The following SREBF2 variants were observed in gnomAD, a reference collection of about 807,000 sequenced individuals.
SREBF2 encodes sterol regulatory element-binding protein 2.
Under a neutral mutation model 113.1 loss-of-function variants are expected in SREBF2, and 55 were observed. The ratio of observed to expected loss-of-function variants is 0.49; its 90% CI spans 0.39 to 0.61. The LOEUF (loss-of-function observed/expected upper bound fraction) is 0.61. Among genes scored for constraint, SREBF2 ranks in the 20% least tolerant of loss-of-function variants. The pLI, the probability that SREBF2 is intolerant of heterozygous loss-of-function variation, is 0.00. For synonymous variants in SREBF2, 593 were observed against 605.7 expected, an observed-to-expected ratio of 0.98 and a Z score of 0.31; for missense variants, 1,349 against 1,487.4, an observed-to-expected ratio of 0.91 and a Z score of 1.53.
At chr22:41,895,963 G>A (rs1275206270) in intron 13 of SREBF2, among the ~76,000 whole-genome samples, 2 of 151,936 alleles carry the variant, frequency 1.3e-5, no homozygotes, top group African/African-American at 4.8e-5. Context: ...CTAACACGGT[G>A]AAACCCCGTC....
At chr22:41,905,388 G>A in intron 18 of SREBF2, 52 bp from the exon 19 acceptor site, 3 of 1,513,454 alleles carry the variant, frequency 2.0e-6, no homozygotes, top group South Asian at 2.4e-5. Context: ...CCAAGGAACT[G>A]CACCAACTTC....
intron 2 of SREBF2, among the ~76,000 whole-genome samples, chr22:41,867,672 T>C (rs1250838918): frequency 6.6e-6 from 1 of 152,086 alleles, no homozygotes; most frequent in Non-Finnish European, 1.5e-5. Context: ...CCGGGCATGG[T>C]GGCGGGCGCC....
chr22:41,891,637 A>AT (rs1298323826), intron 11 of SREBF2, among the ~76,000 whole-genome samples: 2 of 152,218 alleles, frequency 1.3e-5, no homozygotes, highest in Non-Finnish European at 2.9e-5. Flanking sequence ...AGTAAAGGTC[A>AT]GAACCATCAG....
At chr22:41,851,867 T>C (rs537302385) in intron 1 of SREBF2, among the ~76,000 whole-genome samples, 1 of 151,302 alleles carries the variant, frequency 6.6e-6, no homozygotes, top group East Asian at 2.0e-4. Context: ...ACGCCTGTAA[T>C]CCCAGCACTT....
chr22:41,882,041 C>CA (rs901580760), intron 10 of SREBF2, among the ~76,000 whole-genome samples: 138 of 146,416 alleles, frequency 9.4e-4, no homozygotes, highest in Non-Finnish European at 1.3e-3. Flanking sequence ...CATAGCACTC[C>CA]AAAAAAAAAA....
chr22:41,868,307 G>A (rs1021851494), intron 2 of SREBF2, among the ~76,000 whole-genome samples: 6 of 152,304 alleles, frequency 3.9e-5, no homozygotes, highest in African/African-American at 1.4e-4. Flanking sequence ...CCAGGGAGTT[G>A]TTGATTCTCA....
rs1232763615 is a variant in SREBF2, at chr22:41,875,412, C to T, written c.1165C>T (p.Gln389Ter). 1.2e-6 allele frequency: 2 copies of T among 1,614,070 alleles called. No homozygotes were observed. The highest frequency in any genetic ancestry group is 1.7e-6 in the Non-Finnish European group (2 of 1,180,044). ...GCAGCAGGTCAATCATAAACTGCGCCAGGAGAACATGGTGCTGAAGCTGGC... is the reference window on the plus strand; with the variant it reads ...GCAGCAGGTCAATCATAAACTGCGCTAGGAGAACATGGTGCTGAAGCTGGC... Reference protein sequence around the residue: ...YLQQVNHKLRQENMVLKLANQ... With the variant: ...YLQQVNHKLR The change falls in exon 6 of 19, where the codon CAG becomes TAG. Residue 389 changes from glutamine to a stop codon, truncating the protein, a stop_gained. Transcript: ENST00000361204. LOFTEE classifies it high-confidence loss of function.
Position 41,875,381 on chromosome 22 carries a change from ATACTTGCAGCAGG to A in SREBF2, c.1136_1148del (p.Tyr379SerfsTer12). 6.2e-7 allele frequency: 1 copy of A among 1,614,172 alleles called. No individual in the cohort carries two copies. Among genetic ancestry groups the A allele is most frequent in the Non-Finnish European group, 8.5e-7 (1 of 1,179,986 alleles). On this transcript the variant is annotated frameshift_variant, in exon 6 of 19. Transcript: ENST00000361204. LOFTEE classifies it high-confidence loss of function. ...TGAGGAAGGCCATTGATTACATCAA[ATACTTGCAGCAGG>A]TCAATCATAAACTGCGCCAGGAGAA... is the stretch of plus-strand genomic sequence containing the variant.
chr22:41,883,953 T>C (rs1394209187), intron 10 of SREBF2, among the ~76,000 whole-genome samples: 5 of 152,198 alleles, frequency 3.3e-5, no homozygotes, highest in African/African-American at 1.2e-4. Context: ...TGTGCAAGGA[T>C]ACTTTGTTCC....
rs200909457 is a variant in SREBF2 at position 41,853,603 on chromosome 22, GT to G, written c.89-13227del. Among the ~76,000 whole-genome samples the G allele has an allele frequency of 7.2e-3, 1,089 of 152,240 alleles. 17 individuals are homozygous for G. The highest frequency in any genetic ancestry group is 0.025 in the African/African-American group (1,042 of 41,526). On this transcript the variant is annotated intron_variant, in intron 1 of 18. Transcript: ENST00000361204. ...ATGCTTAACCCGTTGAAATCCTTCT[GT>G]ATTTACATACTTACCTCCCTAAAAG...
At chr22:41,905,047 A>G (rs2077495117) in intron 18 of SREBF2, 73 bp downstream of exon 18, 17 of 1,354,438 alleles carry the variant, frequency 1.3e-5, no homozygotes, top group African/African-American at 2.9e-5. Flanking sequence ...AAGAGGGGCC[A>G]GCCCAGCTCC....
rs1422559350 is a variant in SREBF2, at chr22:41,875,524, G to T, written c.1205-19G>T. ...TTGTAAAAGCAGATCATTTTCACCAGGTGGGGTTTTCTTTGCAGAGCTTCT... is the reference window on the plus strand; with the variant it reads ...TTGTAAAAGCAGATCATTTTCACCATGTGGGGTTTTCTTTGCAGAGCTTCT... On this transcript the variant is annotated intron_variant, in intron 6 of 18. Transcript: ENST00000361204. 6.2e-7 allele frequency: 1 copy of T among 1,614,244 alleles called. No homozygotes were observed. The highest frequency in any genetic ancestry group is 8.5e-7 in the Non-Finnish European group (1 of 1,180,042).
At chr22:41,887,082 G>A (rs978591001) in intron 11 of SREBF2, among the ~76,000 whole-genome samples, 4 of 152,030 alleles carry the variant, frequency 2.6e-5, no homozygotes, top group African/African-American at 4.8e-5. Context: ...GGATGTGGTG[G>A]TGCACACCTG....
intron 3 of SREBF2, among the ~76,000 whole-genome samples, chr22:41,870,005 G>A (rs773337525): frequency 3.3e-5 from 5 of 151,948 alleles, no homozygotes; most frequent in African/African-American, 7.2e-5. Context: ...CCAGGCACGC[G>A]CCATCACGCC....
intron 10 of SREBF2, among the ~76,000 whole-genome samples, chr22:41,881,776 A>G (rs1335069462): frequency 6.6e-6 from 1 of 152,180 alleles, no homozygotes; most frequent in Non-Finnish European, 1.5e-5. Context: ...TCTCAAGTTT[A>G]GAAGAGTCAG....
At chr22:41,881,888 G>A (rs1157442164) in intron 10 of SREBF2, among the ~76,000 whole-genome samples, 1 of 151,940 alleles carries the variant, frequency 6.6e-6, no homozygotes, top group African/African-American at 2.4e-5. Context: ...CCTGGACAAC[G>A]TGGCAAAACC....
intron 7 of SREBF2, among the ~76,000 whole-genome samples, chr22:41,876,191 C>G (rs924788560): frequency 7.2e-5 from 11 of 152,222 alleles, no homozygotes; most frequent in African/African-American, 2.7e-4. Context: ...ATCGTCAAAG[C>G]CCCTGGCAAT....
At chr22:41,877,649 C>A (rs756611491) in intron 8 of SREBF2, among the ~76,000 whole-genome samples, 9 of 152,296 alleles carry the variant, frequency 5.9e-5, no homozygotes, top group African/African-American at 1.2e-4. Context: ...CCACACTACT[C>A]TAAATACCCT....
rs982593284 is a variant in SREBF2, at chr22:41,868,808, G to A, written c.720+16G>A. On this transcript the variant is annotated intron_variant, in intron 3 of 18. Transcript: ENST00000361204. ...GCAGGTCCCGGTAAGTGGCTGGAAA[G>A]GATTCAGGGAGGCACTGGTTGGGGC... 8 of 1,596,126 alleles carry A rather than the reference G, an allele frequency of 5.0e-6. No homozygotes were observed. Among genetic ancestry groups the A allele is most frequent in the Non-Finnish European group, 6.8e-6 (8 of 1,171,596 alleles).
Sources: allele counts gnomAD v4.1 joint callset (sites outside exome capture counted in the v4.1 genomes callset), GRCh38; gene constraint gnomAD v4.1.1; transcripts MANE v1.5; gene names NCBI Gene and HGNC (gene_info 2026-07-23, HGNC 2026-07-21).